KCNQ1: variants seen among roughly 807,000 people sequenced by gnomAD.
KCNQ1 encodes potassium voltage-gated channel subfamily Q member 1.
Under a neutral mutation model 72.4 loss-of-function variants are expected in KCNQ1, and 49 were observed. That is an observed-to-expected ratio of 0.68 (90% CI 0.54 to 0.86). The LOEUF (loss-of-function observed/expected upper bound fraction) is 0.86, where lower values mean the gene tolerates loss of function less well. Ranked by LOEUF, KCNQ1 falls within the 40% of genes least tolerant of loss-of-function variation. The pLI is 0.00. For missense variants in KCNQ1, 790 were observed against 945.1 expected (o/e 0.84, Z 2.15); for synonymous variants, 450 against 412.6 (o/e 1.09, Z -1.10).
In KCNQ1 at chr11:2,547,844, G is replaced by C. The variant is rs2283157; in HGVS notation, c.477+19826G>C. The stretch of plus-strand genomic sequence containing the variant: ...GTCTCTGTATGGAGGTGAAGGTCCA[G>C]ATGTTGGGGTTTCAGGGTCAAGCAT... On this transcript the variant is annotated intron_variant, in intron 2 of 15. Coordinates refer to ENST00000155840, the MANE Select transcript of KCNQ1 (RefSeq NM_000218.3). The surrounding 1 kb of genome is among the most constrained non-coding windows in gnomAD (Gnocchi z 4.2). 6.6e-6 allele frequency among the ~76,000 whole-genome samples: 1 copy of C among 152,234 alleles called. No homozygotes were observed. Among genetic ancestry groups the C allele is most frequent in the Admixed American group, 6.5e-5 (1 of 15,284 alleles).
intron 11 of KCNQ1, among the ~76,000 whole-genome samples, chr11:2,708,511 G>T (rs1019649626): frequency 3.3e-5 from 5 of 152,210 alleles, no homozygotes; most frequent in Non-Finnish European, 7.3e-5. Flanking sequence ...CCCCTGGTGG[G>T]CCAGGCAGGC....
rs1848223118 is a variant in KCNQ1, at chr11:2,564,778, C to T, written c.478-5850C>T. Among the ~76,000 whole-genome samples, 1 of 152,224 alleles carries T rather than the reference C, an allele frequency of 6.6e-6. No individual in the cohort carries two copies. Among genetic ancestry groups the T allele is most frequent in the African/African-American group, 2.4e-5 (1 of 41,462 alleles). On this transcript the variant is annotated intron_variant, in intron 2 of 15. Coordinates refer to ENST00000155840, the MANE Select transcript of KCNQ1 (RefSeq NM_000218.3). This position sits in a 1 kb window ranked among gnomAD's most constrained non-coding sequence, Gnocchi z 4.5. ...CCCAGCCCCTGGCGCCCATCATCTA[C>T]TTTCTACCTCTGTGAATCTGATGAC...
intron 2 of KCNQ1, among the ~76,000 whole-genome samples, chr11:2,561,208 A>AAAAAAAG (rs528479508): frequency 3.4e-5 from 5 of 147,742 alleles, no homozygotes; most frequent in East Asian, 4.1e-4. Context: ...CTCAAAAAAA[A>AAAAAAAG]AAAAAAAGAA....
At chr11:2,650,718 C>T (rs563205745) in intron 10 of KCNQ1, 2 of 398,618 alleles carry the variant, frequency 5.0e-6, no homozygotes, top group East Asian at 3.6e-5. Context: ...GGGCAGGGGA[C>T]TAGAATGCTA....
At chr11:2,514,432 A>C (rs532241939) in intron 1 of KCNQ1, among the ~76,000 whole-genome samples, 5 of 152,322 alleles carry the variant, frequency 3.3e-5, no homozygotes, top group Admixed American at 3.3e-4. Flanking sequence ...CCAAGGCTCA[A>C]GGAGGCCACA....
chr11:2,813,914 G>T lies in KCNQ1; in HGVS notation c.1795-33853G>T, dbSNP rs1847546217. 6.6e-6 allele frequency among the ~76,000 whole-genome samples: 1 copy of T among 152,050 alleles called. No homozygotes were observed. The highest frequency in any genetic ancestry group is 1.9e-4 in the East Asian group (1 of 5,176). On this transcript the variant is annotated intron_variant, in intron 15 of 15. Transcript: ENST00000155840. This position sits in a 1 kb window ranked among gnomAD's most constrained non-coding sequence, Gnocchi z 4.4. The stretch of plus-strand genomic sequence containing the variant: ...GTGGAAGGATGGTTGATGGATGGAT[G>T]GTTAGATGGATGAAGAGATAGATGA...
intron 10 of KCNQ1, chr11:2,630,004 G>C: frequency 2.5e-6 from 1 of 397,094 alleles, no homozygotes; most frequent in African/African-American, 2.1e-5. Context: ...CCTCATCTTA[G>C]AGGAGAGGCA....
chr11:2,619,018 G>C (rs937280842), intron 10 of KCNQ1: 33 of 398,106 alleles, frequency 8.3e-5, no homozygotes, highest in Non-Finnish European at 1.3e-4. Context: ...GTTTTATATT[G>C]ATTTTATATC....
Position 2,817,815 on chromosome 11 carries a change from G to A in KCNQ1, c.1795-29952G>A, listed in dbSNP as rs187034760. ...CTTGGGCTGCAACTTAAATTCCAAG[G>A]AGAGATCCTGAATCCAGAGTCACAT... On this transcript the variant is annotated intron_variant, in intron 15 of 15. Coordinates refer to ENST00000155840, the MANE Select transcript of KCNQ1 (RefSeq NM_000218.3). This position sits in a 1 kb window ranked among gnomAD's most constrained non-coding sequence, Gnocchi z 6.1. 6.6e-5 allele frequency among the ~76,000 whole-genome samples: 10 copies of A among 152,132 alleles called. No homozygotes were observed. The highest frequency in any genetic ancestry group is 2.1e-4 in the South Asian group (1 of 4,806).
At chr11:2,631,495 G>T in intron 10 of KCNQ1, 2 of 397,976 alleles carry the variant, frequency 5.0e-6, no homozygotes, top group East Asian at 3.6e-5. Flanking sequence ...TCATTAGGTT[G>T]TCTCTCTGTT....
chr11:2,825,783 C>A (rs924212381), intron 15 of KCNQ1, among the ~76,000 whole-genome samples: 2 of 152,222 alleles, frequency 1.3e-5, no homozygotes, highest in Non-Finnish European at 2.9e-5. Flanking sequence ...GTACTTTGCT[C>A]AGTAACGGAC....
In KCNQ1 at chr11:2,828,785, C is replaced by A. The variant is rs1436881897; in HGVS notation, c.1795-18982C>A. On this transcript the variant is annotated intron_variant, in intron 15 of 15. Coordinates refer to ENST00000155840, the MANE Select transcript of KCNQ1 (RefSeq NM_000218.3). This position sits in a 1 kb window ranked among gnomAD's most constrained non-coding sequence, Gnocchi z 5.3. ...AGCTAAAAAGGAAGACCTCCTCCCC[C>A]ACTTCCCTCATCAACTCCCAGAATG... Among the ~76,000 whole-genome samples, 1 of 152,238 alleles carries A rather than the reference C, an allele frequency of 6.6e-6. No homozygotes were observed. The highest frequency in any genetic ancestry group is 1.5e-5 in the Non-Finnish European group (1 of 68,044).
chr11:2,505,000 G>A (rs1163883912), intron 1 of KCNQ1, among the ~76,000 whole-genome samples: 1 of 151,624 alleles, frequency 6.6e-6, no homozygotes, highest in Non-Finnish European at 1.5e-5. Context: ...GCAAGTTTTG[G>A]TACATTGTCT....
intron 15 of KCNQ1, among the ~76,000 whole-genome samples, chr11:2,805,498 G>C (rs946458417): frequency 2.6e-5 from 4 of 152,238 alleles, no homozygotes; most frequent in African/African-American, 7.2e-5. Context: ...AGGTGGACTT[G>C]GGGCCTCATC....
rs1846547583 is a variant in KCNQ1 at position 2,769,124 on chromosome 11, TG to T, written c.1590+207del. 6.6e-6 allele frequency among the ~76,000 whole-genome samples: 1 copy of T among 152,050 alleles called. No homozygotes were observed. The highest frequency in any genetic ancestry group is 2.4e-5 in the African/African-American group (1 of 41,404). On this transcript the variant is annotated intron_variant, in intron 12 of 15. Transcript: ENST00000155840. This position sits in a 1 kb window ranked among gnomAD's most constrained non-coding sequence, Gnocchi z 4.6. ...GCAGGCCCCTCAGAGGACCTATCCT[TG>T]GAGGCCCGGCCTGGAACCAGGGACA...
chr11:2,754,605 C>G (rs1398669300), intron 11 of KCNQ1, among the ~76,000 whole-genome samples: 1 of 152,136 alleles, frequency 6.6e-6, no homozygotes, highest in African/African-American at 2.4e-5. Context: ...GGCATGTGAC[C>G]AAGGAGGTGT....
chr11:2,683,532 C>A lies in KCNQ1; in HGVS notation c.1514+21451C>A, dbSNP rs1564857070. 2 of 398,486 alleles carry A rather than the reference C, an allele frequency of 5.0e-6. No individual in the cohort carries two copies. The highest frequency in any genetic ancestry group is 8.8e-6 in the Non-Finnish European group (2 of 226,064). 24.7% of individuals were successfully genotyped at this position (398,486 alleles called of 1,614,324 possible). A position where few individuals can be genotyped will look rare whatever the true frequency, so the allele number is the denominator to read the frequency against. On this transcript the variant is annotated intron_variant, in intron 11 of 15. Coordinates refer to ENST00000155840, the MANE Select transcript of KCNQ1 (RefSeq NM_000218.3). This position sits in a 1 kb window ranked among gnomAD's most constrained non-coding sequence, Gnocchi z 4.7. ...AGAGCTTAGTTCAGAGTAAACATTTCTAAAAAAGAGGTAGAAGCCCCTACC... is the reference window on the plus strand; with the variant it reads ...AGAGCTTAGTTCAGAGTAAACATTTATAAAAAAGAGGTAGAAGCCCCTACC...
rs182741844 is a variant in KCNQ1 at position 2,497,244 on chromosome 11, A to G, written c.387-30684A>G. 2.4e-3 allele frequency among the ~76,000 whole-genome samples: 363 copies of G among 152,248 alleles called. No homozygotes were observed. The highest frequency in any genetic ancestry group is 8.0e-3 in the African/African-American group (332 of 41,544). ...TAGGTTGGGGAAGTTCTCCTGGATAATATCCTGAAGTGTGTTTTCCAACTT... is the reference window on the plus strand; with the variant it reads ...TAGGTTGGGGAAGTTCTCCTGGATAGTATCCTGAAGTGTGTTTTCCAACTT... On this transcript the variant is annotated intron_variant, in intron 1 of 15. Coordinates refer to ENST00000155840, the MANE Select transcript of KCNQ1 (RefSeq NM_000218.3). This position sits in a 1 kb window ranked among gnomAD's most constrained non-coding sequence, Gnocchi z 4.5.
At position 2,657,622 on chromosome 11, in the gene KCNQ1, T is replaced by C. The variant is rs541035754; in HGVS notation, c.1394-4339T>C. The C allele has an allele frequency of 2.5e-6, 1 of 398,630 alleles. No individual in the cohort carries two copies. The highest frequency in any genetic ancestry group is 1.3e-4 in the South Asian group (1 of 7,858). 24.7% of individuals were successfully genotyped at this position (398,630 alleles called of 1,614,324 possible). A position where few individuals can be genotyped will look rare whatever the true frequency, so the allele number is the denominator to read the frequency against. On this transcript the variant is annotated intron_variant, in intron 10 of 15. Transcript: ENST00000155840. This position sits in a 1 kb window ranked among gnomAD's most constrained non-coding sequence, Gnocchi z 4.8. ...AACTAAAAAATTAACATTGGTACAC[T>C]ATTAAGCTAGAGTTATAAATTTATT...
Sources: gnomAD v4.1 joint callset for allele counts (sites outside exome capture counted in the v4.1 genomes callset) on GRCh38, gnomAD v4.1.1 for gene constraint, Gnocchi (gnomAD v3.1) non-coding constraint, MANE v1.5 for transcripts, NCBI Gene and HGNC (gene_info 2026-07-23, HGNC 2026-07-21) for gene names.